ATG7: variants seen among roughly 807,000 people sequenced by gnomAD.
The protein encoded by ATG7 is autophagy related 7.
A neutral mutation model predicts 82.4 loss-of-function variants in ATG7; 70 were observed. The ratio of observed to expected loss-of-function variants is 0.85; its 90% CI spans 0.70 to 1.04. The LOEUF (loss-of-function observed/expected upper bound fraction) is 1.04, where lower values mean the gene tolerates loss of function less well. Ranked by LOEUF, ATG7 falls within the 50% of genes least tolerant of loss-of-function variation. The pLI, the probability that ATG7 is intolerant of heterozygous loss-of-function variation, is 0.00. For synonymous variants in ATG7, 287 were observed against 313.0 expected, an observed-to-expected ratio of 0.92 and a Z score of 0.88; for missense variants, 792 against 864.3, an observed-to-expected ratio of 0.92 and a Z score of 1.05.
At chr3:11,400,539 C>T (rs7621218) in intron 19 of ATG7, among the ~76,000 whole-genome samples, 31,888 of 151,852 alleles carry the variant, frequency 0.21, 3,794 homozygotes, top group South Asian at 0.35. Flanking sequence ...TTTTTTCCTT[C>T]GAAGAGTAGA....
chr3:11,363,847 T>A (rs1355651563), intron 17 of ATG7, among the ~76,000 whole-genome samples: 1 of 152,240 alleles, frequency 6.6e-6, no homozygotes, highest in African/African-American at 2.4e-5. Context: ...CTCAAAGCTT[T>A]CCTCAGCAGT....
At chr3:11,425,243 C>T (rs1295563319) in intron 19 of ATG7, among the ~76,000 whole-genome samples, 1 of 152,170 alleles carries the variant, frequency 6.6e-6, no homozygotes, top group Non-Finnish European at 1.5e-5. Flanking sequence ...GGATTACAGG[C>T]ATGAGCCATC....
intron 9 of ATG7, among the ~76,000 whole-genome samples, chr3:11,320,590 T>C (rs1950089189): frequency 6.6e-6 from 1 of 152,212 alleles, no homozygotes; most frequent in Non-Finnish European, 1.5e-5. Context: ...ACCTGGTCCA[T>C]AATTTTACAT....
chr3:11,468,268 C>T (rs1402791517), intron 20 of ATG7, among the ~76,000 whole-genome samples: 1 of 151,848 alleles, frequency 6.6e-6, no homozygotes, highest in Non-Finnish European at 1.5e-5. Context: ...GAGGAATCTG[C>T]AGTCTCTGCG....
chr3:11,424,255 A>G (rs776998090), intron 19 of ATG7, among the ~76,000 whole-genome samples: 8 of 152,138 alleles, frequency 5.3e-5, no homozygotes, highest in Non-Finnish European at 1.0e-4. Context: ...AAAACCAACT[A>G]AAGATTTTAG....
rs1210628430 is a variant in ATG7, at chr3:11,335,249, A to T, written c.889+2156A>T. On this transcript the variant is annotated intron_variant, in intron 11 of 20. Transcript: ENST00000693202. ...CCTGTGTAATGTTAACTTACATGCT[A>T]TACCTTTGTTTTATTAAACCACACT... Among the ~76,000 whole-genome samples, 118 of 152,192 alleles carry T rather than the reference A, an allele frequency of 7.8e-4. 1 individual carries two copies. The highest frequency in any genetic ancestry group is 6.8e-3 in the Middle Eastern group (2 of 294).
intron 9 of ATG7, among the ~76,000 whole-genome samples, chr3:11,316,363 G>A (rs376215194): frequency 2.6e-5 from 4 of 152,018 alleles, no homozygotes; most frequent in East Asian, 1.9e-4. Context: ...TCCCCTTCCC[G>A]TCAGATACAT....
At chr3:11,564,095 G>A in the ATG7 span, among the ~76,000 whole-genome samples, 49 of 152,342 alleles carry the variant, frequency 3.2e-4, 2 homozygotes, top group Middle Eastern at 0.02. Flanking sequence ...TTAGGTCGCA[G>A]TCCCTGGAGA....
intron 19 of ATG7, among the ~76,000 whole-genome samples, chr3:11,423,378 T>TG (rs2082098741): frequency 2.6e-5 from 4 of 152,206 alleles, no homozygotes; most frequent in Non-Finnish European, 5.9e-5. Context: ...TTGTGAGAAT[T>TG]ACCAAAATGT....
intron 3 of ATG7, among the ~76,000 whole-genome samples, chr3:11,296,883 T>C (rs1334268392): frequency 6.6e-6 from 1 of 152,234 alleles, no homozygotes; most frequent in African/African-American, 2.4e-5. Context: ...TTCTTCTTGA[T>C]TTGAATACCT....
At chr3:11,338,714 G>A (rs1952959031) in intron 11 of ATG7, among the ~76,000 whole-genome samples, 1 of 152,182 alleles carries the variant, frequency 6.6e-6, no homozygotes, top group Admixed American at 6.5e-5. Context: ...ACATCAGAGT[G>A]CCCGATTTAA....
chr3:11,515,472 T>C (rs1190845956), intron 20 of ATG7, among the ~76,000 whole-genome samples: 7 of 151,964 alleles, frequency 4.6e-5, no homozygotes, highest in Non-Finnish European at 1.0e-4. Flanking sequence ...CCCAGCAAAT[T>C]TTTGTATTTT....
chr3:11,389,461 CAG>C (rs1240668811), intron 19 of ATG7, among the ~76,000 whole-genome samples: 10 of 120,402 alleles, frequency 8.3e-5, no homozygotes, highest in Non-Finnish European at 1.7e-4. Context: ...TTTTTTAACA[CAG>C]AATAAGCTAC....
At chr3:11,516,587 T>C (rs934125245) in intron 20 of ATG7, among the ~76,000 whole-genome samples, 7 of 152,216 alleles carry the variant, frequency 4.6e-5, no homozygotes, top group African/African-American at 1.4e-4. Flanking sequence ...CCCGAATTAG[T>C]TGATAATAGG....
In ATG7 at chr3:11,534,066, A is replaced by G. The variant is rs113700120; in HGVS notation, c.2080-20745A>G. ...AGTTGGAAAAGTACTAGCCAGCAGA[A>G]AGCCTCCTCCTCCCCCCCCAGGGGA... On this transcript the variant is annotated intron_variant, in intron 20 of 20. Transcript: ENST00000693202. Among the ~76,000 whole-genome samples the G allele has an allele frequency of 2.2e-3, 330 of 152,322 alleles. 1 individual carries two copies. Among genetic ancestry groups the G allele is most frequent in the African/African-American group, 7.6e-3 (314 of 41,580 alleles).
intron 20 of ATG7, among the ~76,000 whole-genome samples, chr3:11,511,164 T>TGGAAGGGGACCTGAGC (rs1249563136): frequency 6.6e-6 from 1 of 152,128 alleles, no homozygotes; most frequent in Admixed American, 6.5e-5. Flanking sequence ...TTCCACAGCG[T>TGGAAGGGGACCTGAGC]GGAAGGGGAC....
At chr3:11,507,281 CAAAAT>C (rs975862277) in intron 20 of ATG7, among the ~76,000 whole-genome samples, 1 of 151,948 alleles carries the variant, frequency 6.6e-6, no homozygotes, top group African/African-American at 2.4e-5. Flanking sequence ...GACTCCATCT[CAAAAT>C]AAATAAATAA....
At chr3:11,570,622 G>A in the ATG7 span, among the ~76,000 whole-genome samples, 9 of 152,222 alleles carry the variant, frequency 5.9e-5, no homozygotes, top group Admixed American at 4.6e-4. Flanking sequence ...AGTTAACAGC[G>A]TTTGTGGCAA....
chr3:11,361,742 G>A (rs886406668), intron 16 of ATG7, among the ~76,000 whole-genome samples: 9 of 152,194 alleles, frequency 5.9e-5, no homozygotes, highest in Non-Finnish European at 1.2e-4. Context: ...AACTCACAGT[G>A]CAAAGTGGGT....
Sources: gnomAD v4.1 joint callset for allele counts (sites outside exome capture counted in the v4.1 genomes callset) on GRCh38, gnomAD v4.1.1 for gene constraint, MANE v1.5 for transcripts, NCBI Gene and HGNC (gene_info 2026-07-23, HGNC 2026-07-21) for gene names.